VPS13A: variants seen among roughly 807,000 people sequenced by gnomAD.
VPS13A encodes the protein intermembrane lipid transfer protein VPS13A.
Under a neutral mutation model 390.9 loss-of-function variants are expected in VPS13A, and 264 were observed. That is an observed-to-expected ratio of 0.68 (90% CI 0.61 to 0.75). The LOEUF (loss-of-function observed/expected upper bound fraction) is 0.75. Ranked by LOEUF, VPS13A falls within the 30% of genes least tolerant of loss-of-function variation. The pLI, the probability that VPS13A is intolerant of heterozygous loss-of-function variation, is 0.00. For synonymous variants in VPS13A, 1,231 were observed against 1,227.1 expected, an observed-to-expected ratio of 1.00 and a Z score of -0.07; for missense variants, 3,409 against 3,733.9, an observed-to-expected ratio of 0.91 and a Z score of 2.27.
At chr9:77,242,157 A>G (rs1014763238) in intron 19 of VPS13A, among the ~76,000 whole-genome samples, 1 of 151,862 alleles carries the variant, frequency 6.6e-6, no homozygotes, top group Non-Finnish European at 1.5e-5. Context: ...TGGCTATAAA[A>G]CCTGGCATGA....
At chr9:77,234,019 C>A (rs1181220393) in intron 17 of VPS13A, among the ~76,000 whole-genome samples, 1 of 152,064 alleles carries the variant, frequency 6.6e-6, no homozygotes, top group African/African-American at 2.4e-5. Context: ...AGCTATTTCT[C>A]CCTTTAATTC....
At chr9:77,276,829 C>G (rs1826704898) in intron 26 of VPS13A, among the ~76,000 whole-genome samples, 2 of 152,198 alleles carry the variant, frequency 1.3e-5, no homozygotes. Flanking sequence ...CTCTAACCTC[C>G]TCTTCTGTGT....
intron 32 of VPS13A, among the ~76,000 whole-genome samples, chr9:77,294,641 A>G (rs1827869323): frequency 6.6e-6 from 1 of 152,212 alleles, no homozygotes; most frequent in African/African-American, 2.4e-5. Flanking sequence ...TGATCTTTTA[A>G]GCCATAACAT....
At position 77,280,193 on chromosome 9, in the gene VPS13A, C is replaced by T. The variant is rs1389030650; in HGVS notation, c.2859C>T (p.Thr953=). ...AGAAACCAGTTTATTTGGTTACAAC[C>T]CTGGATAACACAATGGAAGACCTGT... ...ENKKPVYLVT[T]LDNTMEDLLT... is the part of the protein sequence containing the mutation. Residue 953 remains threonine (T), a synonymous_variant, in exon 27 of 72, where the codon ACC becomes ACT. Coordinates refer to ENST00000360280, the MANE Select transcript of VPS13A (RefSeq NM_033305.3). 6.2e-7 allele frequency: 1 copy of T among 1,612,298 alleles called. No individual in the cohort carries two copies. The highest frequency in any genetic ancestry group is 1.3e-5 in the African/African-American group (1 of 74,792).
At chr9:77,203,917 G>A (rs919371318) in intron 3 of VPS13A, among the ~76,000 whole-genome samples, 1 of 152,118 alleles carries the variant, frequency 6.6e-6, no homozygotes, top group African/African-American at 2.4e-5. Flanking sequence ...AGGCCGGGCA[G>A]GGTAGCTGAT....
intron 8 of VPS13A, 38 bp downstream of exon 8, chr9:77,213,066 G>C (rs1216369893): frequency 6.2e-7 from 1 of 1,610,826 alleles, no homozygotes; most frequent in Non-Finnish European, 8.5e-7. Flanking sequence ...ATGGACTTAA[G>C]AGAATTTTGG....
chr9:77,273,371 T>C lies in VPS13A; in HGVS notation c.2512+7T>C, dbSNP rs1826461999. The C allele has an allele frequency of 1.3e-6, 2 of 1,595,814 alleles. No individual in the cohort carries two copies. Among genetic ancestry groups the C allele is most frequent in the Non-Finnish European group, 1.7e-6 (2 of 1,167,756 alleles). ...CCATCTGTTTCTGAAGATGGTAAAA[T>C]GAAACTGCTTAAGGATATTTTTCTT... On this transcript the variant is annotated splice_region_variant and intron_variant, in intron 24 of 71. Coordinates refer to ENST00000360280, the MANE Select transcript of VPS13A (RefSeq NM_033305.3).
At chr9:77,186,544 T>A (rs372961012) in intron 1 of VPS13A, among the ~76,000 whole-genome samples, 187 of 152,244 alleles carry the variant, frequency 1.2e-3, no homozygotes, top group African/African-American at 4.0e-3. Context: ...TTCAAGCGAT[T>A]CTCCTGCCTC....
chr9:77,414,070 A>G (rs1835062708), intron 71 of VPS13A, among the ~76,000 whole-genome samples: 1 of 152,234 alleles, frequency 6.6e-6, no homozygotes, highest in Non-Finnish European at 1.5e-5. Flanking sequence ...AATGGTGATC[A>G]TTAAAAAGTC....
chr9:77,322,836 C>T (rs573418933), intron 44 of VPS13A, among the ~76,000 whole-genome samples: 5 of 151,948 alleles, frequency 3.3e-5, no homozygotes, highest in East Asian at 3.9e-4. Context: ...ATTTTTGAAA[C>T]GTTTGCTATT....
chr9:77,409,039 A>AC (rs1225410828), intron 71 of VPS13A, among the ~76,000 whole-genome samples: 1 of 151,984 alleles, frequency 6.6e-6, no homozygotes, highest in African/African-American at 2.4e-5. Context: ...ACTGGGAGGC[A>AC]CCCCCCAAGT....
chr9:77,353,554 A>T lies in VPS13A; in HGVS notation c.7565A>T (p.Gln2522Leu), dbSNP rs1486859647. 3 of 1,613,610 alleles carry T rather than the reference A, an allele frequency of 1.9e-6. No individual in the cohort carries two copies. The South Asian group carries it at 3.3e-5, about 18-fold the overall frequency. Residue 2522 changes from glutamine to leucine, a missense_variant, in exon 54 of 72, where the codon CAA becomes CTA. Around this residue, in one of 5 missense-constraint regions of VPS13A, gnomAD observed 221 missense variants for 300.7 expected, o/e 0.73. Transcript: ENST00000360280. Reference sequence around the variant, plus strand: ...AGTGAGAAAGCAGAGTTAGCAGAGCAAGAAATTGCAGTGGCATTACAAGAT... The same window carrying T: ...AGTGAGAAAGCAGAGTTAGCAGAGCTAGAAATTGCAGTGGCATTACAAGAT... ...YESEKAELAE[Q>L]EIAVALQDVG...
intron 33 of VPS13A, among the ~76,000 whole-genome samples, chr9:77,300,714 A>T (rs779926504): frequency 6.6e-6 from 1 of 152,246 alleles, no homozygotes; most frequent in Non-Finnish European, 1.5e-5. Context: ...CCTGGATGAC[A>T]AAATGAGACT....
At chr9:77,194,988 C>G (rs1288004199) in intron 1 of VPS13A, among the ~76,000 whole-genome samples, 1 of 152,106 alleles carries the variant, frequency 6.6e-6, no homozygotes, top group Non-Finnish European at 1.5e-5. Context: ...TCCAATTCAC[C>G]TATTTTTTTT....
At chr9:77,186,525 C>T in intron 1 of VPS13A, among the ~76,000 whole-genome samples, 1 of 152,038 alleles carries the variant, frequency 6.6e-6, no homozygotes. Context: ...GCAACCTCTG[C>T]CTCCTGGGTT....
In VPS13A at chr9:77,394,298, CT is replaced by C. The variant is rs1367094132; in HGVS notation, c.9190-8937del. Among the ~76,000 whole-genome samples, 12 of 151,818 alleles carry C rather than the reference CT, an allele frequency of 7.9e-5. No homozygotes were observed. The East Asian group carries it at 2.3e-3, about 30-fold the overall frequency. On this transcript the variant is annotated intron_variant, in intron 68 of 71. Transcript: ENST00000360280. ...CCCAAGCTAGTCTTGAACTCTTGTG[CT>C]CAAGCGATCCGCCCACCATGGCCTC...
chr9:77,213,487 A>G (rs1290410126), intron 9 of VPS13A, among the ~76,000 whole-genome samples, 173 bp downstream of exon 9: 1 of 146,556 alleles, frequency 6.8e-6, no homozygotes, highest in Non-Finnish European at 1.5e-5. Flanking sequence ...ATGAATACAT[A>G]CCCCCATATC....
intron 13 of VPS13A, among the ~76,000 whole-genome samples, chr9:77,221,806 A>G (rs1823231293): frequency 6.6e-6 from 1 of 152,072 alleles, no homozygotes; most frequent in Non-Finnish European, 1.5e-5. Context: ...CATAAATGCT[A>G]CCTGCCTTTA....
intron 54 of VPS13A, among the ~76,000 whole-genome samples, chr9:77,355,295 C>T (rs1202993706): frequency 6.6e-6 from 1 of 152,122 alleles, no homozygotes; most frequent in Admixed American, 6.5e-5. Context: ...GTAGAATTAT[C>T]GGTCTTTACT....
Sources: allele counts gnomAD v4.1 joint callset (sites outside exome capture counted in the v4.1 genomes callset), GRCh38; gene constraint gnomAD v4.1.1; regional missense constraint gnomAD v4.1.1; transcripts MANE v1.5; gene names NCBI Gene and HGNC (gene_info 2026-07-23, HGNC 2026-07-21).